ASAP1: variants seen among roughly 807,000 people sequenced by gnomAD.
ASAP1 encodes ArfGAP with SH3 domain, ankyrin repeat and PH domain 1.
ASAP1 carries 43 observed loss-of-function variants against 145.2 expected under a neutral mutation model. The ratio of observed to expected loss-of-function variants is 0.30; its 90% CI spans 0.23 to 0.38. The LOEUF (loss-of-function observed/expected upper bound fraction) is 0.38. Ranked by LOEUF, ASAP1 falls within the 10% of genes least tolerant of loss-of-function variation. The pLI is 1.00. For synonymous variants in ASAP1, 546 were observed against 515.5 expected, an observed-to-expected ratio of 1.06 and a Z score of -0.80; for missense variants, 1,018 against 1,355.3, an observed-to-expected ratio of 0.75 and a Z score of 3.91.
chr8:130,264,367 C>T (rs191733946), intron 3 of ASAP1, among the ~76,000 whole-genome samples: 6 of 152,288 alleles, frequency 3.9e-5, no homozygotes, highest in South Asian at 2.1e-4. Flanking sequence ...CAGATGGACA[C>T]GACTCTCAGG....
At chr8:130,225,389 G>A (rs568553346) in intron 4 of ASAP1, among the ~76,000 whole-genome samples, 1 of 152,156 alleles carries the variant, frequency 6.6e-6, no homozygotes, top group South Asian at 2.1e-4. Flanking sequence ...CCAAAACAAT[G>A]TATTTGTTTA....
intron 9 of ASAP1, among the ~76,000 whole-genome samples, chr8:130,170,846 G>A (rs1813543757): frequency 6.6e-6 from 1 of 152,092 alleles, no homozygotes; most frequent in Non-Finnish European, 1.5e-5. Context: ...AGCCTTCTGA[G>A]TAGCCGGGAC....
intron 3 of ASAP1, among the ~76,000 whole-genome samples, chr8:130,247,207 C>T (rs922382762): frequency 3.4e-5 from 5 of 148,472 alleles, no homozygotes; most frequent in African/African-American, 1.2e-4. Flanking sequence ...CCTCCTTTCC[C>T]CAATGGTCCT....
chr8:130,219,850 C>T (rs980430538), intron 4 of ASAP1, among the ~76,000 whole-genome samples: 1 of 152,154 alleles, frequency 6.6e-6, no homozygotes, highest in African/African-American at 2.4e-5. Flanking sequence ...AGTGCAGTGG[C>T]ATGAACATGG....
chr8:130,128,922 G>A (rs2097579243), intron 15 of ASAP1, among the ~76,000 whole-genome samples: 1 of 152,184 alleles, frequency 6.6e-6, no homozygotes, highest in Admixed American at 6.5e-5. Flanking sequence ...GATTGATATG[G>A]TTTGGATTTG....
intron 1 of ASAP1, among the ~76,000 whole-genome samples, chr8:130,429,865 T>C (rs1830077375): frequency 6.6e-6 from 1 of 152,236 alleles, no homozygotes; most frequent in Non-Finnish European, 1.5e-5. Context: ...GTGGCCCTGC[T>C]TATGCAAACT....
intron 13 of ASAP1, among the ~76,000 whole-genome samples, chr8:130,145,816 A>G (rs1362003607): frequency 6.6e-6 from 1 of 151,998 alleles, no homozygotes; most frequent in African/African-American, 2.4e-5. Flanking sequence ...ACAGCTGTTA[A>G]CAACAGAACA....
chr8:130,236,587 G>A (rs1303922509), intron 4 of ASAP1, among the ~76,000 whole-genome samples: 3 of 152,058 alleles, frequency 2.0e-5, no homozygotes, highest in Non-Finnish European at 4.4e-5. Context: ...ATTCTGATGT[G>A]TTTAACTGAA....
At chr8:130,355,376 T>C (rs6415513) in intron 3 of ASAP1, among the ~76,000 whole-genome samples, 124,753 of 152,140 alleles carry the variant, frequency 0.82, 51,813 homozygotes, top group African/African-American at 0.95. Flanking sequence ...ATTAGTGATC[T>C]AAAGAGCAAA....
intron 3 of ASAP1, among the ~76,000 whole-genome samples, chr8:130,309,060 G>C (rs1823167694): frequency 6.6e-6 from 1 of 152,058 alleles, no homozygotes; most frequent in South Asian, 2.1e-4. Flanking sequence ...AGTTGACCAG[G>C]GTAGCCTTAG....
At chr8:130,300,777 C>T (rs909430531) in intron 3 of ASAP1, among the ~76,000 whole-genome samples, 1 of 152,170 alleles carries the variant, frequency 6.6e-6, no homozygotes, top group Non-Finnish European at 1.5e-5. Context: ...TTCTTGAAAG[C>T]CCAGCACTGG....
intron 17 of ASAP1, among the ~76,000 whole-genome samples, 156 bp downstream of exon 17, chr8:130,125,800 C>T (rs1441834766): frequency 6.6e-6 from 1 of 152,130 alleles, no homozygotes; most frequent in Non-Finnish European, 1.5e-5. Context: ...GCATTACATA[C>T]CACAAAAGTT....
intron 24 of ASAP1, among the ~76,000 whole-genome samples, chr8:130,106,976 G>T (rs2097537826): frequency 6.6e-6 from 1 of 152,146 alleles, no homozygotes; most frequent in South Asian, 2.1e-4. Flanking sequence ...CAGGAGGATT[G>T]AACAAACTTG....
chr8:130,194,178 G>A (rs932534780), intron 5 of ASAP1, among the ~76,000 whole-genome samples: 77 of 152,136 alleles, frequency 5.1e-4, no homozygotes, highest in African/African-American at 1.7e-3. Flanking sequence ...AAGGCTACAG[G>A]AAAAATAAAA....
intron 1 of ASAP1, among the ~76,000 whole-genome samples, chr8:130,411,651 A>T (rs1829270566): frequency 6.6e-6 from 1 of 152,212 alleles, no homozygotes; most frequent in African/African-American, 2.4e-5. Flanking sequence ...GTTAGGAGGA[A>T]AAAAAGGAAG....
chr8:130,390,077 G>A (rs568366422), intron 2 of ASAP1, among the ~76,000 whole-genome samples: 109 of 152,158 alleles, frequency 7.2e-4, no homozygotes, highest in Non-Finnish European at 1.3e-3. Context: ...CTAAAGGGAG[G>A]GCCTGAGAAT....
Position 130,246,572 on chromosome 8 carries a change from TTGCTTCG to T in ASAP1, c.187-9585_187-9579del, listed in dbSNP as rs536671421. On this transcript the variant is annotated intron_variant, in intron 3 of 29. Transcript: ENST00000518721. ...TCCAGCGGCCTTGTGAAGAAGGTGC[TTGCTTCG>T]TCTTTGCCTTCTGCCATGACAGTAA... is the stretch of plus-strand genomic sequence containing the variant. Among the ~76,000 whole-genome samples, 3 of 152,282 alleles carry T rather than the reference TTGCTTCG, an allele frequency of 2.0e-5. No homozygotes were observed. In the South Asian group the frequency reaches 6.2e-4, roughly 32 times the overall value.
chr8:130,107,831 G>T (rs1296908173), intron 24 of ASAP1, among the ~76,000 whole-genome samples: 1 of 152,204 alleles, frequency 6.6e-6, no homozygotes, highest in African/African-American at 2.4e-5. Context: ...TTACAGGCAT[G>T]AGACACCACG....
rs975497391 is a variant in ASAP1 at position 130,276,296 on chromosome 8, T to C, written c.187-39302A>G. Among the ~76,000 whole-genome samples the C allele has an allele frequency of 3.3e-5, 5 of 152,196 alleles. No homozygotes were observed. The East Asian group carries it at 9.6e-4, about 29-fold the overall frequency. On this transcript the variant is annotated intron_variant, in intron 3 of 29. Transcript: ENST00000518721. ...ATTTCCTCTAAGTTCACAAAGTGAT[T>C]CCATATACATTCTGCTACTGTGACA...
Sources: gnomAD v4.1 joint callset for allele counts (sites outside exome capture counted in the v4.1 genomes callset) on GRCh38, gnomAD v4.1.1 for gene constraint, MANE v1.5 for transcripts, NCBI Gene and HGNC (gene_info 2026-07-23, HGNC 2026-07-21) for gene names.